The following CNTNAP2 variants were observed in gnomAD, a reference collection of about 807,000 sequenced individuals.
CNTNAP2 encodes contactin-associated protein-like 2.
Under a neutral mutation model 155.2 loss-of-function variants are expected in CNTNAP2, and 98 were observed. The ratio of observed to expected loss-of-function variants is 0.63; its 90% CI spans 0.54 to 0.75. The LOEUF is 0.75. CNTNAP2 is among the 30% of genes least tolerant of loss of function. CNTNAP2 has a pLI of 0.00. For synonymous variants in CNTNAP2, 651 were observed against 631.2 expected, an observed-to-expected ratio of 1.03 and a Z score of -0.47; for missense variants, 1,727 against 1,688.1, an observed-to-expected ratio of 1.02 and a Z score of -0.40.
chr7:146,759,512 T>C (rs1802050163), intron 1 of CNTNAP2, among the ~76,000 whole-genome samples: 1 of 151,540 alleles, frequency 6.6e-6, no homozygotes, highest in African/African-American at 2.4e-5. Flanking sequence ...GCCAACATGG[T>C]GAAACCCCAT....
chr7:146,599,224 A>G (rs1379933246), intron 1 of CNTNAP2, among the ~76,000 whole-genome samples: 2 of 152,080 alleles, frequency 1.3e-5, no homozygotes, highest in East Asian at 3.9e-4. Flanking sequence ...CCTTGAACCC[A>G]TGAATAATCT....
At chr7:146,776,764 T>A (rs909213621) in intron 2 of CNTNAP2, among the ~76,000 whole-genome samples, 1 of 152,160 alleles carries the variant, frequency 6.6e-6, no homozygotes, top group African/African-American at 2.4e-5. Flanking sequence ...AGTTAAATTA[T>A]TTTTTCTTTG....
At chr7:147,271,760 A>C (rs1032283068) in intron 8 of CNTNAP2, among the ~76,000 whole-genome samples, 16 of 152,182 alleles carry the variant, frequency 1.1e-4, no homozygotes, top group African/African-American at 3.9e-4. Flanking sequence ...CCCATGATTC[A>C]GCGATCTCCT....
Position 146,576,671 on chromosome 7 carries a change from G to C in CNTNAP2, c.98-197600G>C, listed in dbSNP as rs144625067. On this transcript the variant is annotated intron_variant, in intron 1 of 23. Coordinates refer to ENST00000361727, the MANE Select transcript of CNTNAP2 (RefSeq NM_014141.6). The stretch of plus-strand genomic sequence containing the variant: ...TAAACTCCCAGGTCAGAAAATTGGG[G>C]AAGACTTTCCTACATTTCTGTTGAG... Among the ~76,000 whole-genome samples, 508 of 152,302 alleles carry C rather than the reference G, an allele frequency of 3.3e-3. 4 individuals carry two copies. The highest frequency in any genetic ancestry group is 6.8e-3 in the Middle Eastern group (2 of 294).
At chr7:148,397,073 T>C (rs552900623) in intron 22 of CNTNAP2, among the ~76,000 whole-genome samples, 15 of 152,222 alleles carry the variant, frequency 9.9e-5, no homozygotes, top group Non-Finnish European at 1.8e-4. Flanking sequence ...TAATGCATGA[T>C]TTTGTTTTAT....
intron 1 of CNTNAP2, among the ~76,000 whole-genome samples, chr7:146,730,536 C>T (rs1266069931): frequency 6.6e-6 from 1 of 152,238 alleles, no homozygotes; most frequent in South Asian, 2.1e-4. Context: ...ATTACATAAT[C>T]TCTACCCCCT....
At chr7:147,729,258 G>T (rs904767301) in intron 13 of CNTNAP2, among the ~76,000 whole-genome samples, 2 of 151,804 alleles carry the variant, frequency 1.3e-5, no homozygotes, top group African/African-American at 4.8e-5. Context: ...ATTAAAGGAA[G>T]TAATTTAGCC....
At chr7:147,083,871 ATAT>A (rs1275789836) in intron 4 of CNTNAP2, among the ~76,000 whole-genome samples, 4 of 140,730 alleles carry the variant, frequency 2.8e-5, no homozygotes, top group Admixed American at 7.5e-5. Flanking sequence ...ATGTATGTAC[ATAT>A]TATATACATA....
chr7:146,352,901 C>T (rs913854354), intron 1 of CNTNAP2, among the ~76,000 whole-genome samples: 13 of 150,652 alleles, frequency 8.6e-5, no homozygotes, highest in Non-Finnish European at 1.8e-4. Flanking sequence ...ACTACAGGCA[C>T]CCGCCACCAC....
chr7:147,130,282 A>C (rs1454123469), intron 7 of CNTNAP2, among the ~76,000 whole-genome samples: 2 of 151,800 alleles, frequency 1.3e-5, no homozygotes, highest in African/African-American at 2.4e-5. Flanking sequence ...TTAAAAAAAT[A>C]AATCAAATTG....
At chr7:146,835,991 A>T (rs1173140528) in intron 2 of CNTNAP2, among the ~76,000 whole-genome samples, 5 of 152,144 alleles carry the variant, frequency 3.3e-5, no homozygotes, top group Non-Finnish European at 7.3e-5. Context: ...TATACCATCT[A>T]CATGTGCCTC....
chr7:147,138,659 G>A (rs1801536972), intron 8 of CNTNAP2, among the ~76,000 whole-genome samples: 1 of 151,882 alleles, frequency 6.6e-6, no homozygotes, highest in African/African-American at 2.4e-5. Context: ...AAGGACCGGG[G>A]GAGAGTTTTA....
At chr7:147,828,099 G>A (rs942396603) in intron 13 of CNTNAP2, among the ~76,000 whole-genome samples, 4 of 152,122 alleles carry the variant, frequency 2.6e-5, no homozygotes, top group African/African-American at 7.2e-5. Flanking sequence ...GAAAAAAGGG[G>A]GAAGAAATGG....
intron 15 of CNTNAP2, among the ~76,000 whole-genome samples, chr7:148,096,592 A>G: frequency 6.6e-6 from 1 of 152,072 alleles, no homozygotes; most frequent in East Asian, 1.9e-4. Flanking sequence ...GAATAGTGAG[A>G]GTAGGGGTGA....
intron 15 of CNTNAP2, among the ~76,000 whole-genome samples, chr7:148,003,043 G>A (rs117026549): frequency 1.8e-3 from 271 of 152,276 alleles, no homozygotes; most frequent in Non-Finnish European, 2.3e-3. Context: ...CAGAGAAGGC[G>A]ATTAGAAAAG....
intron 13 of CNTNAP2, among the ~76,000 whole-genome samples, chr7:147,817,684 A>C (rs1272872236): frequency 6.6e-6 from 1 of 152,088 alleles, no homozygotes; most frequent in African/African-American, 2.4e-5. Context: ...TGGGCGGATC[A>C]CAAGGTCAGG....
Position 146,769,537 on chromosome 7 carries a change from A to G in CNTNAP2, c.98-4734A>G, listed in dbSNP as rs528536318. ...CTACAACCATCTCTGGGAAATTTCA[A>G]ATTCATTGTGGGCTCTTTCATGTTG... On this transcript the variant is annotated intron_variant, in intron 1 of 23. Transcript: ENST00000361727. 8.5e-5 allele frequency among the ~76,000 whole-genome samples: 13 copies of G among 152,284 alleles called. No individual in the cohort carries two copies. In the East Asian group the frequency reaches 9.6e-4, roughly 11 times the overall value.
At chr7:146,897,077 A>C (rs62481457) in intron 3 of CNTNAP2, among the ~76,000 whole-genome samples, 3,279 of 152,218 alleles carry the variant, frequency 0.022, 61 homozygotes, top group Non-Finnish European at 0.035. Context: ...GAACACAAGT[A>C]ACCTCATTTT....
intron 1 of CNTNAP2, among the ~76,000 whole-genome samples, chr7:146,162,664 C>T (rs542734158): frequency 6.6e-6 from 1 of 152,164 alleles, no homozygotes; most frequent in Non-Finnish European, 1.5e-5. Flanking sequence ...TGGGTATATA[C>T]CCAAAGTATT....
Sources: gnomAD v4.1 joint callset for allele counts (sites outside exome capture counted in the v4.1 genomes callset) on GRCh38, gnomAD v4.1.1 for gene constraint, MANE v1.5 for transcripts, NCBI Gene and HGNC (gene_info 2026-07-23, HGNC 2026-07-21) for gene names.